The following COL8A1 variants were observed in gnomAD, a reference collection of about 807,000 sequenced individuals.
COL8A1 encodes the protein collagen type VIII alpha 1 chain, also known as collagen alpha-1(VIII) chain.
In COL8A1, 21 loss-of-function variants were observed where a neutral mutation model predicts 42.7. The observed-to-expected ratio is 0.49, with a 90% CI of 0.35 to 0.71. The LOEUF (loss-of-function observed/expected upper bound fraction) is 0.71, where lower values mean the gene tolerates loss of function less well. Ranked by LOEUF, COL8A1 falls within the 30% of genes least tolerant of loss-of-function variation. The pLI, the probability that COL8A1 is intolerant of heterozygous loss-of-function variation, is 0.01. For synonymous variants in COL8A1, 367 were observed against 369.1 expected, an observed-to-expected ratio of 0.99 and a Z score of 0.06; for missense variants, 788 against 962.4, an observed-to-expected ratio of 0.82 and a Z score of 2.40.
At chr3:99,663,354 GT>G (rs1285143891) in intron 1 of COL8A1, among the ~76,000 whole-genome samples, 1 of 151,972 alleles carries the variant, frequency 6.6e-6, no homozygotes, top group African/African-American at 2.4e-5. Context: ...TACTAACCCG[GT>G]GCCAGAACAG....
chr3:99,670,111 C>T (rs1220344520), intron 1 of COL8A1, among the ~76,000 whole-genome samples: 1 of 151,994 alleles, frequency 6.6e-6, no homozygotes, highest in Non-Finnish European at 1.5e-5. Flanking sequence ...TATACATATT[C>T]TTGTATTTAG....
chr3:99,788,160 A>C (rs1576477160), intron 2 of COL8A1, among the ~76,000 whole-genome samples: 1 of 152,224 alleles, frequency 6.6e-6, no homozygotes, highest in African/African-American at 2.4e-5. Context: ...AGTAGGAATA[A>C]GTAAAGCAGT....
intron 2 of COL8A1, among the ~76,000 whole-genome samples, chr3:99,772,548 TG>T (rs1941600788): frequency 6.6e-6 from 1 of 152,154 alleles, no homozygotes; most frequent in South Asian, 2.1e-4. Flanking sequence ...TGTGCCAGTG[TG>T]GGGGTAGGAG....
chr3:99,639,594 C>T (rs1006995871), intron 1 of COL8A1, among the ~76,000 whole-genome samples: 10 of 152,190 alleles, frequency 6.6e-5, no homozygotes, highest in African/African-American at 2.4e-4. Flanking sequence ...GTTTAAGCTA[C>T]CCTCTTTAAA....
chr3:99,779,135 G>A lies in COL8A1; in HGVS notation c.-3-11545G>A, dbSNP rs56656360. On this transcript the variant is annotated intron_variant, in intron 2 of 3. Coordinates refer to ENST00000652472, the MANE Select transcript of COL8A1 (RefSeq NM_020351.4). The stretch of plus-strand genomic sequence containing the variant: ...TTGAGATTTATTTGGCATTTTAGAT[G>A]TGAGGATACTACTTTTCACTATGTA... Among the ~76,000 whole-genome samples the A allele has an allele frequency of 1.7e-3, 258 of 152,310 alleles. 2 individuals are homozygous for A. Among genetic ancestry groups the A allele is most frequent in the African/African-American group, 5.7e-3 (236 of 41,572 alleles).
chr3:99,756,914 G>T (rs975693241), intron 2 of COL8A1, among the ~76,000 whole-genome samples: 1 of 152,180 alleles, frequency 6.6e-6, no homozygotes, highest in Non-Finnish European at 1.5e-5. Context: ...AGGAAATGTG[G>T]TTTCTTTTTC....
At chr3:99,767,168 C>T (rs1383900331) in intron 2 of COL8A1, among the ~76,000 whole-genome samples, 3 of 152,174 alleles carry the variant, frequency 2.0e-5, no homozygotes, top group Non-Finnish European at 2.9e-5. Flanking sequence ...TTTGATCCTA[C>T]GGCTCAGAAG....
chr3:99,640,501 A>G (rs1424192168), intron 1 of COL8A1, among the ~76,000 whole-genome samples: 1 of 152,216 alleles, frequency 6.6e-6, no homozygotes, highest in Non-Finnish European at 1.5e-5. Context: ...AAATGCTCCC[A>G]GTTTAAATGA....
intron 1 of COL8A1, among the ~76,000 whole-genome samples, chr3:99,688,552 C>A (rs900418973): frequency 6.6e-6 from 1 of 152,102 alleles, no homozygotes; most frequent in Non-Finnish European, 1.5e-5. Context: ...ATCTCAAGAT[C>A]CTTAACTTAA....
intron 1 of COL8A1, chr3:99,707,047 A>G (rs1252864312): frequency 6.6e-6 from 1 of 152,220 alleles, no homozygotes; most frequent in East Asian, 1.9e-4. Flanking sequence ...AAAAATAAGT[A>G]AAGAAGATGA....
chr3:99,767,236 TG>T (rs1189110187), intron 2 of COL8A1, among the ~76,000 whole-genome samples: 1 of 152,216 alleles, frequency 6.6e-6, no homozygotes, highest in Non-Finnish European at 1.5e-5. Context: ...TCTGAAGATT[TG>T]GGATCTTACC....
In COL8A1 at chr3:99,728,837, T is replaced by C. The variant is rs114498178; in HGVS notation, c.-128-16060T>C. On this transcript the variant is annotated intron_variant, in intron 1 of 3. Transcript: ENST00000652472. ...CACTCTTTTTGGTTCAATTTAAGAT[T>C]TGCTCTATACTCTCAAATATCTGGA... 7.0e-3 allele frequency among the ~76,000 whole-genome samples: 1,065 copies of C among 152,158 alleles called. 12 individuals carry two copies. Among genetic ancestry groups the C allele is most frequent in the Middle Eastern group, 0.021 (6 of 292 alleles).
At chr3:99,735,897 G>A (rs1576455464) in intron 1 of COL8A1, among the ~76,000 whole-genome samples, 1 of 152,040 alleles carries the variant, frequency 6.6e-6, no homozygotes, top group Admixed American at 6.6e-5. Context: ...TATGTGTCAA[G>A]GAATTTATCC....
At chr3:99,682,891 A>C (rs536805819) in intron 1 of COL8A1, among the ~76,000 whole-genome samples, 1 of 152,300 alleles carries the variant, frequency 6.6e-6, no homozygotes, top group African/African-American at 2.4e-5. Flanking sequence ...TCCCCACTTT[A>C]CCTTCTGAAT....
At chr3:99,639,268 G>A (rs1361698196) in intron 1 of COL8A1, among the ~76,000 whole-genome samples, 1 of 152,174 alleles carries the variant, frequency 6.6e-6, no homozygotes, top group Non-Finnish European at 1.5e-5. Context: ...CACAAGCCAG[G>A]GTAGAATGTG....
At chr3:99,650,514 G>C (rs1160847596) in intron 1 of COL8A1, among the ~76,000 whole-genome samples, 2 of 151,768 alleles carry the variant, frequency 1.3e-5, no homozygotes, top group Non-Finnish European at 2.9e-5. Flanking sequence ...GGCTCACTGT[G>C]ACCTTCACCT....
chr3:99,652,973 C>T (rs1937895634), intron 1 of COL8A1, among the ~76,000 whole-genome samples: 1 of 152,116 alleles, frequency 6.6e-6, no homozygotes, highest in African/African-American at 2.4e-5. Flanking sequence ...GAGATGAAGT[C>T]CCACTTTTAC....
chr3:99,653,589 CTG>C lies in COL8A1; in HGVS notation c.-129+14936_-129+14937del, dbSNP rs1277445988. Among the ~76,000 whole-genome samples, 34 of 151,202 alleles carry C rather than the reference CTG, an allele frequency of 2.2e-4. 1 individual carries two copies. Among genetic ancestry groups the C allele is most frequent in the Admixed American group, 2.2e-3 (34 of 15,124 alleles). On this transcript the variant is annotated intron_variant, in intron 1 of 3. Coordinates refer to ENST00000652472, the MANE Select transcript of COL8A1 (RefSeq NM_020351.4). ...GTCCACGTGTGGGTTGTGTATGTGTCTGTGTGTGTGTGGTGGGCAGCTGTGGC... is the reference window on the plus strand; with the variant it reads ...GTCCACGTGTGGGTTGTGTATGTGTCTGTGTGTGTGGTGGGCAGCTGTGGC...
intron 1 of COL8A1, 109 bp downstream of exon 1, chr3:99,638,773 T>A (rs1425299810): frequency 6.6e-6 from 1 of 152,226 alleles, no homozygotes; most frequent in Non-Finnish European, 1.5e-5. Flanking sequence ...TTCTTACGGA[T>A]GCGCGATCCG....
Sources: allele counts gnomAD v4.1 joint callset (sites outside exome capture counted in the v4.1 genomes callset), GRCh38; gene constraint gnomAD v4.1.1; transcripts MANE v1.5; gene names NCBI Gene and HGNC (gene_info 2026-07-23, HGNC 2026-07-21).